CLMN: variants seen among roughly 807,000 people sequenced by gnomAD.
CLMN encodes the protein calmin.
A neutral mutation model predicts 92.7 loss-of-function variants in CLMN; 57 were observed. The observed-to-expected ratio is 0.61, with a 90% CI of 0.50 to 0.77. The LOEUF (loss-of-function observed/expected upper bound fraction) is 0.77. CLMN is among the 30% of genes least tolerant of loss of function. The probability of loss-of-function intolerance (pLI) is 0.00; values close to 1 mark genes in which losing one functional copy is unlikely to be tolerated. For synonymous variants in CLMN, 466 were observed against 470.6 expected (o/e 0.99, Z 0.13); for missense variants, 1,158 against 1,237.5 (o/e 0.94, Z 0.96).
intron 2 of CLMN, among the ~76,000 whole-genome samples, chr14:95,225,735 C>A (rs1254693673): frequency 6.6e-6 from 1 of 152,200 alleles, no homozygotes; most frequent in African/African-American, 2.4e-5. Flanking sequence ...ACTTCCTTCT[C>A]CCTGAGGGGA....
chr14:95,217,587 T>G (rs1052603966), intron 4 of CLMN, among the ~76,000 whole-genome samples: 4 of 152,270 alleles, frequency 2.6e-5, no homozygotes, highest in Non-Finnish European at 5.9e-5. Flanking sequence ...AAGTCCTGCA[T>G]GATGGATCAC....
chr14:95,288,608 T>C (rs1900434842), intron 1 of CLMN, among the ~76,000 whole-genome samples: 1 of 152,220 alleles, frequency 6.6e-6, no homozygotes, highest in Non-Finnish European at 1.5e-5. Flanking sequence ...AATGCATTGC[T>C]GGCTGGCAGG....
At chr14:95,222,738 T>C (rs987328086) in intron 3 of CLMN, 5 of 382,550 alleles carry the variant, frequency 1.3e-5, no homozygotes, top group Non-Finnish European at 2.6e-5. Flanking sequence ...CATCACTGAA[T>C]ACTGCGTAGC....
At chr14:95,215,512 G>C in intron 5 of CLMN, 129 bp downstream of exon 5, 1 of 728,562 alleles carries the variant, frequency 1.4e-6, no homozygotes, top group Non-Finnish European at 2.3e-6. Context: ...CTTTTTCAGT[G>C]AGTAGAAAAG....
chr14:95,284,220 T>G (rs569131099), intron 1 of CLMN, among the ~76,000 whole-genome samples: 1 of 152,204 alleles, frequency 6.6e-6, no homozygotes, highest in African/African-American at 2.4e-5. Context: ...AAGTCAAGAA[T>G]TGAGGTTTGG....
intron 1 of CLMN, among the ~76,000 whole-genome samples, chr14:95,286,878 C>T (rs1041821843): frequency 6.6e-6 from 1 of 152,194 alleles, no homozygotes; most frequent in African/African-American, 2.4e-5. Flanking sequence ...CTGCTCACCA[C>T]GTGACCCCAC....
Position 95,185,401 on chromosome 14 carries a change from G to A in CLMN, c.*6163C>T. ...CAGAAGCACAATAATGCCCACTCCA[G>A]CTCCCAGCCTTCCACCACCCAACCC... On this transcript the variant is annotated 3_prime_UTR_variant, in exon 13 of 13. Transcript: ENST00000298912. 6.6e-6 allele frequency: 1 copy of A among 152,486 alleles called. No individual in the cohort carries two copies. Among genetic ancestry groups the A allele is most frequent in the Non-Finnish European group, 1.5e-5 (1 of 68,248 alleles). 9.4% of individuals were successfully genotyped at this position (152,486 alleles called of 1,614,324 possible). A position where few individuals can be genotyped will look rare whatever the true frequency, so the allele number is the denominator to read the frequency against.
At position 95,247,552 on chromosome 14, in the gene CLMN, T is replaced by A. The variant is rs531128580; in HGVS notation, c.83-17419A>T. ...CTCTGCACTGTGCACACTTCATCCT[T>A]TACTCTGACCCAGCCAACCCAGGAG... On this transcript the variant is annotated intron_variant, in intron 1 of 12. Coordinates refer to ENST00000298912, the MANE Select transcript of CLMN (RefSeq NM_024734.4). 7.9e-5 allele frequency among the ~76,000 whole-genome samples: 12 copies of A among 152,284 alleles called. 1 individual carries two copies. The highest frequency in any genetic ancestry group is 2.6e-4 in the Admixed American group (4 of 15,298).
chr14:95,191,632 T>A lies in CLMN; in HGVS notation c.2941A>T (p.Ile981Phe), dbSNP rs370913265. Residue 981 changes from isoleucine (I) to phenylalanine (F), a missense_variant, in exon 13 of 13, where the codon ATT (isoleucine) becomes TTT (phenylalanine). Ile to Phe is a conservative substitution (Grantham distance 21). Transcript: ENST00000298912. This position sits in a 1 kb window ranked among gnomAD's most constrained non-coding sequence, Gnocchi z 5.3. ...LVQQPDMMYF[I>F]LFLWLLVYCL... is the part of the protein sequence containing the mutation. Reference sequence around the variant, plus strand: ...TACACCAGGAGCCACAGGAAGAGAATAAAATACATCATATCCGGCTGCTGG... The same window carrying A: ...TACACCAGGAGCCACAGGAAGAGAAAAAAATACATCATATCCGGCTGCTGG... 2.5e-6 allele frequency: 4 copies of A among 1,613,566 alleles called. No individual in the cohort carries two copies. The highest frequency in any genetic ancestry group is 2.7e-5 in the African/African-American group (2 of 74,840).
At position 95,182,480 on chromosome 14, in the gene CLMN, G is replaced by A. The variant is rs555293291; in HGVS notation, c.*9084C>T. 1.3e-5 allele frequency: 2 copies of A among 152,326 alleles called. No individual in the cohort carries two copies. The highest frequency in any genetic ancestry group is 1.9e-4 in the East Asian group (1 of 5,190). The allele number at this position is 152,326 out of a possible 1,614,324, so 9.4% of individuals were successfully genotyped here. On this transcript the variant is annotated 3_prime_UTR_variant, in exon 13 of 13. Transcript: ENST00000298912. ...TCCGTGTTCACAATTTGTCTTTGGC[G>A]GATAGTATCAGCACCACTGTGAGTG...
chr14:95,271,562 G>A (rs771191141), intron 1 of CLMN, among the ~76,000 whole-genome samples: 35 of 152,176 alleles, frequency 2.3e-4, no homozygotes, highest in Non-Finnish European at 4.9e-4. Context: ...AAATTATCAT[G>A]CAGATCTACC....
chr14:95,300,746 C>G (rs765981103), intron 1 of CLMN, among the ~76,000 whole-genome samples: 34 of 152,242 alleles, frequency 2.2e-4, no homozygotes, highest in African/African-American at 8.2e-4. Flanking sequence ...TTGTTAGATA[C>G]TCTCCCTGTA....
chr14:95,245,700 A>ATGGATGGATGGATGGATGGATAGG (rs1898532952), intron 1 of CLMN, among the ~76,000 whole-genome samples: 1 of 149,498 alleles, frequency 6.7e-6, no homozygotes, highest in Admixed American at 6.6e-5. Context: ...GGGTGGATGG[A>ATGGATGGATGGATGGATGGATAGG]TGGATGGATG....
At chr14:95,268,794 C>CT (rs985091508) in intron 1 of CLMN, among the ~76,000 whole-genome samples, 852 of 63,108 alleles carry the variant, frequency 0.014, 54 homozygotes, top group Middle Eastern at 0.025. Context: ...CTCTCTCTCT[C>CT]TTTTTTTTTT....
At chr14:95,245,229 A>ATATATATAT (rs1898473106) in intron 1 of CLMN, among the ~76,000 whole-genome samples, 1 of 35,840 alleles carries the variant, frequency 2.8e-5, no homozygotes, top group African/African-American at 1.8e-4. Context: ...TATATATTAT[A>ATATATATAT]TATATATATT....
intron 1 of CLMN, among the ~76,000 whole-genome samples, chr14:95,274,188 T>C (rs553632381): frequency 8.5e-5 from 13 of 152,268 alleles, no homozygotes; most frequent in African/African-American, 3.1e-4. Context: ...CCCGCTTGGT[T>C]TCTCCTGAAC....
intron 8 of CLMN, 145 bp downstream of exon 8, chr14:95,209,250 A>C (rs1254468221): frequency 1.8e-5 from 13 of 711,152 alleles, no homozygotes; most frequent in Non-Finnish European, 3.1e-5. Context: ...AAACATGGTA[A>C]GGCCGTGCTC....
At chr14:95,300,762 C>T (rs188381000) in intron 1 of CLMN, among the ~76,000 whole-genome samples, 1 of 152,214 alleles carries the variant, frequency 6.6e-6, no homozygotes, top group Non-Finnish European at 1.5e-5. Flanking sequence ...CTGTAGTCTG[C>T]CATCACAGCC....
Position 95,215,681 on chromosome 14 carries a change from A to G in CLMN, c.377T>C (p.Leu126Ser), listed in dbSNP as rs1443306659. 6 of 1,614,082 alleles carry G rather than the reference A, an allele frequency of 3.7e-6. No individual in the cohort carries two copies. Among genetic ancestry groups the G allele is most frequent in the Non-Finnish European group, 8.5e-7 (1 of 1,180,038 alleles). ...AAEIADGNPS[L>S]VLGLIWNIIL... ...TATGTTCCATATCAGCCCAAGAACC[A>G]AAGAAGGGTTGCCATCTGCTATTTC... The change falls in exon 5 of 13, where the codon TTG (leucine) becomes TCG (serine). Residue 126 changes from leucine to serine, a missense_variant. By Grantham distance (145) the Leu-to-Ser change is moderately radical. Coordinates refer to ENST00000298912, the MANE Select transcript of CLMN (RefSeq NM_024734.4).
Sources: gnomAD v4.1 joint callset for allele counts (sites outside exome capture counted in the v4.1 genomes callset) on GRCh38, gnomAD v4.1.1 for gene constraint, Gnocchi (gnomAD v3.1) non-coding constraint, MANE v1.5 for transcripts, NCBI Gene and HGNC (gene_info 2026-07-23, HGNC 2026-07-21) for gene names.